Variants in BCAT1 observed in about 807,000 individuals in gnomAD.
BCAT1 encodes the protein branched chain amino acid transaminase 1.
In BCAT1, 48 loss-of-function variants were observed where a neutral mutation model predicts 52.4. The ratio of observed to expected loss-of-function variants is 0.92; its 90% CI spans 0.73 to 1.16. The LOEUF is 1.16. Among genes scored for constraint, BCAT1 ranks in the 50% most tolerant of loss-of-function variants. BCAT1 has a pLI of 0.00. For missense variants in BCAT1, 451 were observed against 457.1 expected (o/e 0.99, Z 0.12); for synonymous variants, 167 against 161.3 (o/e 1.04, Z -0.27).
In BCAT1 at chr12:24,842,305, C is replaced by T; in HGVS notation, c.675-81G>A. ...TCTTCTACCCTCTGATAGCCTCAAGCTCTTAATTCACATGTGGACATAGTG... is the reference window on the plus strand; with the variant it reads ...TCTTCTACCCTCTGATAGCCTCAAGTTCTTAATTCACATGTGGACATAGTG... On this transcript the variant is annotated intron_variant, in intron 6 of 10. Coordinates refer to ENST00000261192, the MANE Select transcript of BCAT1 (RefSeq NM_005504.7). The T allele has an allele frequency of 3.4e-6, 5 of 1,489,908 alleles. No homozygotes were observed. The Admixed American group carries it at 9.1e-5, about 27-fold the overall frequency. The allele number at this position is 1,489,908 out of a possible 1,614,324, so 92.3% of individuals were successfully genotyped here.
intron 1 of BCAT1, among the ~76,000 whole-genome samples, chr12:24,908,734 C>T (rs1048506371): frequency 2.0e-5 from 3 of 152,120 alleles, no homozygotes; most frequent in Non-Finnish European, 2.9e-5. Context: ...GAGCAAGACC[C>T]TGTCTTAAAA....
At chr12:24,859,378 TG>T (rs940604002) in intron 5 of BCAT1, among the ~76,000 whole-genome samples, 1 of 152,120 alleles carries the variant, frequency 6.6e-6, no homozygotes, top group African/African-American at 2.4e-5. Context: ...ACCAGCACTT[TG>T]GGAGGCTGAG....
At chr12:24,863,496 T>C (rs773525991) in intron 5 of BCAT1, among the ~76,000 whole-genome samples, 1 of 152,240 alleles carries the variant, frequency 6.6e-6, no homozygotes, top group Non-Finnish European at 1.5e-5. Context: ...AGAATTATCA[T>C]GCCAGTTATT....
Position 24,891,951 on chromosome 12 carries a change from G to T in BCAT1, c.279+2324C>A, listed in dbSNP as rs7953787. On this transcript the variant is annotated intron_variant, in intron 3 of 10. Transcript: ENST00000261192. Reference sequence around the variant, plus strand: ...TTTTTCTATTTTTAGTAGAGATGGGGTTTCACCATGTTAGCCAGGATGGTC... The same window carrying T: ...TTTTTCTATTTTTAGTAGAGATGGGTTTTCACCATGTTAGCCAGGATGGTC... Among the ~76,000 whole-genome samples, 1,400 of 151,210 alleles carry T rather than the reference G, an allele frequency of 9.3e-3. 11 individuals are homozygous for T. Among genetic ancestry groups the T allele is most frequent in the Non-Finnish European group, 0.016 (1,052 of 67,852 alleles).
chr12:24,920,289 G>A (rs1412172245), intron 1 of BCAT1, among the ~76,000 whole-genome samples: 1 of 152,068 alleles, frequency 6.6e-6, no homozygotes, highest in African/African-American at 2.4e-5. Flanking sequence ...TATAATTTTA[G>A]AGAGAAGAAT....
At chr12:24,846,205 G>A (rs1941339811) in intron 6 of BCAT1, among the ~76,000 whole-genome samples, 1 of 152,198 alleles carries the variant, frequency 6.6e-6, no homozygotes, top group African/African-American at 2.4e-5. Context: ...TCAATGCACT[G>A]AAAAGAAAAG....
At chr12:24,832,954 T>C in intron 8 of BCAT1, 91 bp from the exon 9 acceptor site, 3 of 1,318,478 alleles carry the variant, frequency 2.3e-6, no homozygotes, top group South Asian at 1.5e-5. Context: ...AACATTCTGA[T>C]TGCACTTAGA....
At chr12:24,933,013 T>C (rs915395726) in intron 1 of BCAT1, among the ~76,000 whole-genome samples, 2 of 151,532 alleles carry the variant, frequency 1.3e-5, no homozygotes, top group Non-Finnish European at 2.9e-5. Flanking sequence ...GGATTCACCA[T>C]ATTGGCCAGG....
chr12:24,945,210 T>C (rs906704133), intron 1 of BCAT1, among the ~76,000 whole-genome samples: 4 of 152,210 alleles, frequency 2.6e-5, no homozygotes, highest in African/African-American at 9.6e-5. Flanking sequence ...ACCATTGACA[T>C]TGTGAGTCAC....
chr12:24,851,144 A>T (rs4963812), intron 5 of BCAT1, among the ~76,000 whole-genome samples: 146,014 of 152,116 alleles, frequency 0.96, 70,352 homozygotes, highest in East Asian at 1. Flanking sequence ...CCTCAGCAAT[A>T]TAAGACCACA....
intron 1 of BCAT1, among the ~76,000 whole-genome samples, chr12:24,944,393 G>C (rs1374287609): frequency 6.6e-6 from 1 of 152,194 alleles, no homozygotes; most frequent in Admixed American, 6.5e-5. Context: ...TGACCATCCT[G>C]TGCAAATCCA....
intron 1 of BCAT1, among the ~76,000 whole-genome samples, chr12:24,929,624 C>T (rs1263595717): frequency 6.6e-6 from 1 of 152,164 alleles, no homozygotes; most frequent in African/African-American, 2.4e-5. Flanking sequence ...ATTACCTATT[C>T]TTCTGATGGG....
chr12:24,850,098 T>G, intron 5 of BCAT1, 149 bp from the exon 6 acceptor site: 1 of 751,848 alleles, frequency 1.3e-6, no homozygotes, highest in South Asian at 4.2e-5. Context: ...ACACAAAGCC[T>G]AGTGGTTTTT....
chr12:24,877,340 T>C (rs912233763), intron 5 of BCAT1, among the ~76,000 whole-genome samples: 1 of 152,172 alleles, frequency 6.6e-6, no homozygotes, highest in African/African-American at 2.4e-5. Context: ...CCATCAATTA[T>C]CCCTCAATAT....
intron 5 of BCAT1, among the ~76,000 whole-genome samples, chr12:24,872,534 C>G (rs1053255502): frequency 6.6e-6 from 1 of 152,220 alleles, no homozygotes; most frequent in African/African-American, 2.4e-5. Flanking sequence ...TAAATGCAGA[C>G]AGCTTCTTTC....
chr12:24,940,448 G>A (rs1052433735), intron 1 of BCAT1, among the ~76,000 whole-genome samples: 3 of 151,934 alleles, frequency 2.0e-5, no homozygotes, highest in African/African-American at 7.3e-5. Context: ...GTTATTAAGG[G>A]GCATAAACTT....
intron 5 of BCAT1, among the ~76,000 whole-genome samples, chr12:24,874,725 G>A (rs1482122369): frequency 6.6e-6 from 1 of 152,200 alleles, no homozygotes; most frequent in East Asian, 1.9e-4. Flanking sequence ...CTCTGATCCT[G>A]GCTCTAGAAA....
chr12:24,811,831 G>A lies in BCAT1; in HGVS notation c.*6177C>T, dbSNP rs1219612327. ...ATTGCAATCAGATTCAGATACAAGAGAACAGGTTCTAACAATTTCATAATT... is the reference window on the plus strand; with the variant it reads ...ATTGCAATCAGATTCAGATACAAGAAAACAGGTTCTAACAATTTCATAATT... On this transcript the variant is annotated 3_prime_UTR_variant, in exon 11 of 11. Transcript: ENST00000261192. 6.6e-6 allele frequency: 1 copy of A among 152,088 alleles called. No homozygotes were observed. The highest frequency in any genetic ancestry group is 1.9e-4 in the East Asian group (1 of 5,202). 9.4% of individuals were successfully genotyped at this position (152,088 alleles called of 1,614,324 possible).
intron 1 of BCAT1, chr12:24,904,482 C>T (rs9804807): frequency 0.089 from 13,493 of 152,418 alleles, 685 homozygotes; most frequent in Middle Eastern, 0.15. Flanking sequence ...GGATTACAGG[C>T]GTGAGCCACG....
Sources: allele counts gnomAD v4.1 joint callset (sites outside exome capture counted in the v4.1 genomes callset), GRCh38; gene constraint gnomAD v4.1.1; transcripts MANE v1.5; gene names NCBI Gene and HGNC (gene_info 2026-07-23, HGNC 2026-07-21).